MTHFD1L: variants seen among roughly 807,000 people sequenced by gnomAD.
MTHFD1L encodes the protein monofunctional C1-tetrahydrofolate synthase, mitochondrial.
Under a neutral mutation model 119.5 loss-of-function variants are expected in MTHFD1L, and 81 were observed. The ratio of observed to expected loss-of-function variants is 0.68; its 90% CI spans 0.57 to 0.82. The LOEUF (loss-of-function observed/expected upper bound fraction) is 0.82. Ranked by LOEUF, MTHFD1L falls within the 40% of genes least tolerant of loss-of-function variation. The pLI is 0.00. For missense variants in MTHFD1L, 1,125 were observed against 1,253.4 expected (o/e 0.90, Z 1.55); for synonymous variants, 430 against 475.2 (o/e 0.90, Z 1.24).
chr6:150,943,977 A>G (rs1365283922), intron 13 of MTHFD1L, among the ~76,000 whole-genome samples: 1 of 152,210 alleles, frequency 6.6e-6, no homozygotes, highest in Non-Finnish European at 1.5e-5. Context: ...GTGAGTGACT[A>G]TAAGGAGATT....
chr6:150,883,670 G>A (rs910160077), intron 5 of MTHFD1L, among the ~76,000 whole-genome samples: 10 of 152,184 alleles, frequency 6.6e-5, no homozygotes, highest in Admixed American at 1.3e-4. Context: ...ATTGGGTGCT[G>A]TAATGTTGGC....
chr6:150,965,067 T>TTGCATTAAC, intron 19 of MTHFD1L, 30 bp downstream of exon 19: 5 of 1,595,378 alleles, frequency 3.1e-6, no homozygotes, highest in Non-Finnish European at 4.3e-6. Flanking sequence ...TAGTAATTGT[T>TTGCATTAAC]TGCATTAACT....
At chr6:151,053,141 G>T (rs995150246) in intron 26 of MTHFD1L, among the ~76,000 whole-genome samples, 1 of 152,206 alleles carries the variant, frequency 6.6e-6, no homozygotes, top group African/African-American at 2.4e-5. Flanking sequence ...TGCAGTATTT[G>T]TCCAACTTGT....
intron 7 of MTHFD1L, among the ~76,000 whole-genome samples, chr6:150,897,223 CG>C (rs1363476193): frequency 6.6e-6 from 1 of 152,056 alleles, no homozygotes; most frequent in Non-Finnish European, 1.5e-5. Context: ...GATGTATTGT[CG>C]TTATATCAAA....
intron 21 of MTHFD1L, among the ~76,000 whole-genome samples, chr6:151,012,155 C>T (rs919662678): frequency 6.6e-6 from 1 of 151,630 alleles, no homozygotes; most frequent in Non-Finnish European, 1.5e-5. Context: ...TCTGTGTCTC[C>T]CTATGTAATT....
intron 11 of MTHFD1L, among the ~76,000 whole-genome samples, chr6:150,933,883 C>G (rs552000362): frequency 6.6e-6 from 1 of 152,314 alleles, no homozygotes; most frequent in East Asian, 1.9e-4. Flanking sequence ...TCCCAAAGTG[C>G]TAGGATTACA....
chr6:150,968,040 C>A (rs1738567), intron 19 of MTHFD1L, among the ~76,000 whole-genome samples: 68,956 of 151,220 alleles, frequency 0.46, 16,598 homozygotes, highest in South Asian at 0.56. Context: ...ACTACCTGGG[C>A]CACTTCCTGA....
intron 24 of MTHFD1L, among the ~76,000 whole-genome samples, chr6:151,026,936 C>T (rs1478952282): frequency 7.4e-6 from 1 of 134,482 alleles, no homozygotes; most frequent in Non-Finnish European, 1.5e-5. Flanking sequence ...TCAAGTGATT[C>T]TCCTGCCTCA....
chr6:150,909,721 T>C (rs754114685), intron 8 of MTHFD1L, among the ~76,000 whole-genome samples: 3 of 152,202 alleles, frequency 2.0e-5, no homozygotes, highest in Admixed American at 1.3e-4. Flanking sequence ...CAGAAAACAG[T>C]ATCAAAACAG....
intron 24 of MTHFD1L, among the ~76,000 whole-genome samples, chr6:151,023,160 C>T (rs1318519534): frequency 1.3e-5 from 2 of 151,894 alleles, no homozygotes; most frequent in Non-Finnish European, 2.9e-5. Context: ...AATTCTTCTG[C>T]CTCAGCCTCC....
In MTHFD1L at chr6:150,959,423, G is replaced by A. The variant is rs575216389; in HGVS notation, c.1804-852G>A. 4.6e-5 allele frequency among the ~76,000 whole-genome samples: 7 copies of A among 152,364 alleles called. No homozygotes were observed. In the East Asian group the frequency reaches 1.2e-3, roughly 25 times the overall value. On this transcript the variant is annotated intron_variant, in intron 17 of 27. Coordinates refer to ENST00000367321, the MANE Select transcript of MTHFD1L (RefSeq NM_015440.5). ...GAAACATTCCTAGTGGCTGAATTATGAGGAGGAGGAAGTACACATTCCTGT... is the reference window on the plus strand; with the variant it reads ...GAAACATTCCTAGTGGCTGAATTATAAGGAGGAGGAAGTACACATTCCTGT...
chr6:150,948,633 G>GT (rs67396709), intron 15 of MTHFD1L, among the ~76,000 whole-genome samples: 40,631 of 149,036 alleles, frequency 0.27, 6,677 homozygotes, highest in East Asian at 0.45. Context: ...CCAGTTTAGT[G>GT]TTTTTTTTGT....
At chr6:150,957,312 C>T (rs1259583718) in intron 17 of MTHFD1L, among the ~76,000 whole-genome samples, 1 of 152,020 alleles carries the variant, frequency 6.6e-6, no homozygotes, top group East Asian at 1.9e-4. Flanking sequence ...CATAAAACTG[C>T]AAATTGAAAC....
chr6:151,043,660 C>T (rs1453603231), intron 26 of MTHFD1L, among the ~76,000 whole-genome samples: 2 of 152,162 alleles, frequency 1.3e-5, no homozygotes, highest in South Asian at 2.1e-4. Context: ...CCATTGACTT[C>T]GCATTGAGGC....
intron 18 of MTHFD1L, among the ~76,000 whole-genome samples, chr6:150,962,909 CTTTTCTT>C (rs1796643441): frequency 7.8e-6 from 1 of 128,276 alleles, no homozygotes; most frequent in Non-Finnish European, 1.6e-5. Context: ...TTTTTCTTTT[CTTTTCTT>C]TTTTTTTTTT....
At chr6:151,083,681 T>C (rs1793449514) in intron 26 of MTHFD1L, among the ~76,000 whole-genome samples, 1 of 152,194 alleles carries the variant, frequency 6.6e-6, no homozygotes, top group African/African-American at 2.4e-5. Context: ...GACATAACTA[T>C]GATTGATTTT....
chr6:151,084,980 AAAAAAT>A (rs1324076322), intron 26 of MTHFD1L, among the ~76,000 whole-genome samples: 2 of 127,504 alleles, frequency 1.6e-5, no homozygotes, highest in South Asian at 2.5e-4. Flanking sequence ...GAAAAAAAAA[AAAAAAT>A]ATATATATAT....
chr6:151,002,726 C>T (rs1016573648), intron 20 of MTHFD1L, among the ~76,000 whole-genome samples: 5 of 152,222 alleles, frequency 3.3e-5, no homozygotes, highest in Admixed American at 6.5e-5. Context: ...AGGGTTACAA[C>T]GATTAGCATA....
chr6:150,890,185 T>A (rs954926960), intron 7 of MTHFD1L, among the ~76,000 whole-genome samples: 4 of 150,598 alleles, frequency 2.7e-5, no homozygotes, highest in African/African-American at 9.7e-5. Context: ...AGTGTATATA[T>A]ATGTGTGTGT....
Sources: gnomAD v4.1 joint callset for allele counts (sites outside exome capture counted in the v4.1 genomes callset) on GRCh38, gnomAD v4.1.1 for gene constraint, MANE v1.5 for transcripts, NCBI Gene and HGNC (gene_info 2026-07-23, HGNC 2026-07-21) for gene names.